The following CNTNAP2 variants were observed in gnomAD, a reference collection of about 807,000 sequenced individuals.
CNTNAP2 encodes the protein contactin associated protein 2.
A neutral mutation model predicts 155.2 loss-of-function variants in CNTNAP2; 98 were observed. The ratio of observed to expected loss-of-function variants is 0.63; its 90% CI spans 0.54 to 0.75. The LOEUF is 0.75. CNTNAP2 is among the 30% of genes least tolerant of loss of function. The pLI is 0.00. For synonymous variants in CNTNAP2, 651 were observed against 631.2 expected (o/e 1.03, Z -0.47); for missense variants, 1,727 against 1,688.1 (o/e 1.02, Z -0.40).
intron 22 of CNTNAP2, among the ~76,000 whole-genome samples, chr7:148,387,799 C>T (rs1310546321): frequency 6.6e-6 from 1 of 152,162 alleles, no homozygotes; most frequent in Non-Finnish European, 1.5e-5. Flanking sequence ...ATACTTCTGT[C>T]AGAGGTGTCT....
rs145832489 is a variant in CNTNAP2 at position 147,128,786 on chromosome 7, G to A, written c.1033G>A (p.Val345Ile). The change falls in exon 7 of 24, where the codon GTC (valine) becomes ATC (isoleucine). Residue 345 changes from valine (V) to isoleucine (I), a missense_variant. Coordinates refer to ENST00000361727, the MANE Select transcript of CNTNAP2 (RefSeq NM_014141.6). ...GCMESINYNG[V>I]NITDLARRKK... is the part of the protein sequence containing the mutation. Reference sequence around the variant, plus strand: ...CATGGAAAGCATCAACTACAATGGCGTCAACATTACTGATCTTGCCAGAAG... The same window carrying A: ...CATGGAAAGCATCAACTACAATGGCATCAACATTACTGATCTTGCCAGAAG... 190 of 1,614,016 alleles carry A rather than the reference G, an allele frequency of 1.2e-4. No individual in the cohort carries two copies. The South Asian group carries it at 1.3e-3, about 11-fold the overall frequency.
At chr7:147,439,549 A>C (rs1334906200) in intron 10 of CNTNAP2, among the ~76,000 whole-genome samples, 1 of 152,014 alleles carries the variant, frequency 6.6e-6, no homozygotes, top group Non-Finnish European at 1.5e-5. Context: ...AAGAATGTAC[A>C]TTCTGTAGCC....
At chr7:146,966,251 G>A (rs1401508161) in intron 3 of CNTNAP2, among the ~76,000 whole-genome samples, 1 of 152,194 alleles carries the variant, frequency 6.6e-6, no homozygotes, top group Non-Finnish European at 1.5e-5. Flanking sequence ...GCATGATTGG[G>A]AAAATTGTCT....
intron 22 of CNTNAP2, among the ~76,000 whole-genome samples, chr7:148,393,353 G>A (rs1335200816): frequency 6.6e-6 from 1 of 152,116 alleles, no homozygotes; most frequent in Admixed American, 6.5e-5. Flanking sequence ...CACCAACACA[G>A]TTCACACTTA....
intron 15 of CNTNAP2, among the ~76,000 whole-genome samples, chr7:148,057,268 A>G (rs1231472639): frequency 6.6e-6 from 1 of 152,214 alleles, no homozygotes; most frequent in Non-Finnish European, 1.5e-5. Context: ...CAGGTATACA[A>G]GTAGCCGGGA....
At chr7:148,330,785 G>A (rs1460842145) in intron 21 of CNTNAP2, among the ~76,000 whole-genome samples, 1 of 120,628 alleles carries the variant, frequency 8.3e-6, no homozygotes, top group African/African-American at 3.3e-5. Flanking sequence ...GGAGTTGATG[G>A]ATGGAATGGA....
intron 15 of CNTNAP2, among the ~76,000 whole-genome samples, chr7:148,028,607 T>C (rs17170800): frequency 0.015 from 2,243 of 152,232 alleles, 49 homozygotes; most frequent in East Asian, 0.083. Context: ...TACTTCTCAG[T>C]GTAGAAAAGC....
intron 14 of CNTNAP2, among the ~76,000 whole-genome samples, chr7:147,925,361 G>A (rs768197743): frequency 6.6e-6 from 1 of 150,904 alleles, no homozygotes; most frequent in African/African-American, 2.4e-5. Context: ...TCAACACAGG[G>A]TAGTATATTT....
intron 8 of CNTNAP2, among the ~76,000 whole-genome samples, chr7:147,184,670 G>C (rs1478986171): frequency 6.6e-6 from 1 of 151,918 alleles, no homozygotes; most frequent in Non-Finnish European, 1.5e-5. Flanking sequence ...TTGTGAGTCA[G>C]CACATTAATT....
At chr7:147,416,432 G>T (rs561215749) in intron 10 of CNTNAP2, among the ~76,000 whole-genome samples, 10 of 152,230 alleles carry the variant, frequency 6.6e-5, no homozygotes, top group African/African-American at 2.4e-4. Context: ...TTTTTTGTGA[G>T]TGCAGACTTA....
Position 146,423,933 on chromosome 7 carries a change from CT to C in CNTNAP2, c.97+306965del, listed in dbSNP as rs1796050372. ...ACTCAATTTCTGTGATGTCTCTGAGCTTTTTGTCATAGGCGTGCTGGAGAGA... is the reference window on the plus strand; with the variant it reads ...ACTCAATTTCTGTGATGTCTCTGAGCTTTTGTCATAGGCGTGCTGGAGAGA... On this transcript the variant is annotated intron_variant, in intron 1 of 23. Transcript: ENST00000361727. Among the ~76,000 whole-genome samples, 8 of 152,198 alleles carry C rather than the reference CT, an allele frequency of 5.3e-5. No individual in the cohort carries two copies. In the South Asian group the frequency reaches 1.7e-3, roughly 32 times the overall value.
intron 3 of CNTNAP2, among the ~76,000 whole-genome samples, chr7:146,999,701 T>C (rs1328603661): frequency 3.9e-5 from 6 of 152,092 alleles, no homozygotes; most frequent in Non-Finnish European, 8.8e-5. Flanking sequence ...GAATATATCA[T>C]CCTGCTCTCT....
chr7:147,903,347 G>C (rs1319941327), intron 13 of CNTNAP2, among the ~76,000 whole-genome samples: 1 of 152,112 alleles, frequency 6.6e-6, no homozygotes, highest in Non-Finnish European at 1.5e-5. Context: ...ATTCATTTGA[G>C]TTTGTTGTAG....
intron 13 of CNTNAP2, among the ~76,000 whole-genome samples, chr7:147,876,487 T>C (rs147816158): frequency 2.5e-4 from 38 of 152,318 alleles, no homozygotes; most frequent in African/African-American, 7.9e-4. Context: ...ATTTTTCCTA[T>C]TGTAGAACGA....
chr7:147,187,690 T>C (rs148584413), intron 8 of CNTNAP2, among the ~76,000 whole-genome samples: 1 of 152,268 alleles, frequency 6.6e-6, no homozygotes, highest in African/African-American at 2.4e-5. Flanking sequence ...TACCTTAGCA[T>C]CACACTATAT....
intron 1 of CNTNAP2, among the ~76,000 whole-genome samples, chr7:146,633,572 T>A (rs1208259844): frequency 6.6e-6 from 1 of 152,072 alleles, no homozygotes; most frequent in African/African-American, 2.4e-5. Context: ...CTGAACAGCA[T>A]GTGAATTTTG....
chr7:147,329,759 C>T (rs1200364605), intron 9 of CNTNAP2, among the ~76,000 whole-genome samples: 1 of 145,450 alleles, frequency 6.9e-6, no homozygotes. Flanking sequence ...TAGTTCAGAT[C>T]GCCATTTATA....
At chr7:146,525,089 T>G (rs1584963445) in intron 1 of CNTNAP2, among the ~76,000 whole-genome samples, 1 of 152,210 alleles carries the variant, frequency 6.6e-6, no homozygotes, top group East Asian at 1.9e-4. Context: ...TCACAGCTAT[T>G]GTTTTAGCTG....
At chr7:147,879,610 G>A (rs1192082184) in intron 13 of CNTNAP2, among the ~76,000 whole-genome samples, 3 of 152,110 alleles carry the variant, frequency 2.0e-5, no homozygotes, top group African/African-American at 2.4e-5. Context: ...TCTCTGGAAA[G>A]GGCACTGTAA....
Sources: gnomAD v4.1 joint callset for allele counts (sites outside exome capture counted in the v4.1 genomes callset) on GRCh38, gnomAD v4.1.1 for gene constraint, MANE v1.5 for transcripts, NCBI Gene and HGNC (gene_info 2026-07-23, HGNC 2026-07-21) for gene names.